The following CSMD1 variants were observed in gnomAD, a reference collection of about 807,000 sequenced individuals.
CSMD1 encodes CUB and Sushi multiple domains 1.
CSMD1 carries 213 observed loss-of-function variants against 417.5 expected under a neutral mutation model. The observed-to-expected ratio is 0.51, with a 90% CI of 0.46 to 0.57. CSMD1 has a LOEUF of 0.57. CSMD1 is among the 20% of genes least tolerant of loss of function. The pLI is 0.00. For missense variants in CSMD1, 6,923 were observed against 4,529.7 expected (o/e 1.53, Z -15.17); for synonymous variants, 2,862 against 1,736.8 (o/e 1.65, Z -16.11).
At chr8:3,809,205 A>C (rs1046078104) in intron 5 of CSMD1, among the ~76,000 whole-genome samples, 2 of 152,066 alleles carry the variant, frequency 1.3e-5, no homozygotes, top group Non-Finnish European at 2.9e-5. Context: ...CTTCTCACCC[A>C]TCAGGTCTCC....
intron 3 of CSMD1, among the ~76,000 whole-genome samples, chr8:4,405,338 C>G (rs530723899): frequency 4.8e-4 from 73 of 150,678 alleles, no homozygotes; most frequent in South Asian, 1.3e-3. Flanking sequence ...TTTTTTTCTT[C>G]TCAATTTCCT....
intron 1 of CSMD1, among the ~76,000 whole-genome samples, chr8:4,735,346 T>G (rs1810160496): frequency 6.6e-6 from 1 of 152,190 alleles, no homozygotes; most frequent in Non-Finnish European, 1.5e-5. Context: ...GATCTAAACC[T>G]GGATTTTCTG....
intron 3 of CSMD1, among the ~76,000 whole-genome samples, chr8:4,283,960 T>C (rs1317341927): frequency 1.3e-5 from 2 of 152,292 alleles, no homozygotes; most frequent in South Asian, 4.1e-4. Flanking sequence ...TGGCCAGGGG[T>C]GGTGGCTCAC....
At chr8:4,203,499 G>A (rs1282136931) in intron 3 of CSMD1, among the ~76,000 whole-genome samples, 1 of 152,138 alleles carries the variant, frequency 6.6e-6, no homozygotes, top group Non-Finnish European at 1.5e-5. Flanking sequence ...TTCTCGATGA[G>A]CAAACGGAAG....
chr8:3,251,136 C>T (rs1323092167), intron 26 of CSMD1, among the ~76,000 whole-genome samples: 8 of 152,026 alleles, frequency 5.3e-5, no homozygotes, highest in Non-Finnish European at 8.8e-5. Flanking sequence ...GAAGTCCTTG[C>T]CCGTGCCTAT....
chr8:3,394,013 T>TAA (rs1811519448), intron 17 of CSMD1, among the ~76,000 whole-genome samples: 4 of 14,270 alleles, frequency 2.8e-4, no homozygotes, highest in South Asian at 2.4e-3. Flanking sequence ...AAAAATAAAT[T>TAA]ATATATATAT....
intron 3 of CSMD1, among the ~76,000 whole-genome samples, chr8:4,129,998 G>C (rs970587712): frequency 6.6e-6 from 1 of 151,826 alleles, no homozygotes; most frequent in African/African-American, 2.4e-5. Context: ...GTGTTTATTG[G>C]GAATTTTGCC....
intron 6 of CSMD1, among the ~76,000 whole-genome samples, chr8:3,737,649 C>T (rs1219529752): frequency 6.6e-6 from 1 of 152,010 alleles, no homozygotes; most frequent in African/African-American, 2.4e-5. Context: ...CTTGGTTGCC[C>T]CAACAATCCA....
chr8:4,865,110 T>C (rs557449163), intron 1 of CSMD1, among the ~76,000 whole-genome samples: 6 of 151,952 alleles, frequency 3.9e-5, no homozygotes, highest in African/African-American at 1.2e-4. Context: ...AATTATGTAA[T>C]AGTGATAAAA....
chr8:3,564,745 ACAAAAAACC>A (rs1442919983), intron 10 of CSMD1, among the ~76,000 whole-genome samples: 4 of 131,316 alleles, frequency 3.0e-5, no homozygotes, highest in Non-Finnish European at 4.9e-5. Flanking sequence ...AACCAAACAC[ACAAAAAACC>A]CAAAAAACCA....
At chr8:3,953,912 G>A (rs534228021) in intron 5 of CSMD1, among the ~76,000 whole-genome samples, 1 of 152,326 alleles carries the variant, frequency 6.6e-6, no homozygotes, top group Non-Finnish European at 1.5e-5. Flanking sequence ...CTGGGCCACT[G>A]TCTGGAACGG....
intron 42 of CSMD1, among the ~76,000 whole-genome samples, chr8:3,115,843 A>G (rs1341980283): frequency 6.6e-6 from 1 of 152,206 alleles, no homozygotes; most frequent in Non-Finnish European, 1.5e-5. Context: ...GAAGTTGTTT[A>G]AAGTATCTGT....
intron 3 of CSMD1, among the ~76,000 whole-genome samples, chr8:4,144,199 C>T (rs752107838): frequency 7.3e-5 from 11 of 150,986 alleles, no homozygotes; most frequent in Non-Finnish European, 1.2e-4. Context: ...ACCTCCTGCC[C>T]CTAGATCTTG....
intron 49 of CSMD1, among the ~76,000 whole-genome samples, chr8:3,053,015 C>G (rs1006612747): frequency 6.6e-6 from 1 of 152,166 alleles, no homozygotes. Context: ...CTCCCAAACT[C>G]AGGTGATCCG....
chr8:3,891,380 A>G (rs975257225), intron 5 of CSMD1, among the ~76,000 whole-genome samples: 3 of 152,086 alleles, frequency 2.0e-5, no homozygotes, highest in African/African-American at 7.2e-5. Context: ...GGTCAATTCA[A>G]TTCCAAAATC....
At chr8:4,390,013 C>T (rs1803735298) in intron 3 of CSMD1, among the ~76,000 whole-genome samples, 1 of 152,178 alleles carries the variant, frequency 6.6e-6, no homozygotes. Flanking sequence ...CTAGATATTA[C>T]CAATTTGCTT....
At chr8:4,674,746 C>T (rs1805567300) in intron 1 of CSMD1, among the ~76,000 whole-genome samples, 1 of 152,030 alleles carries the variant, frequency 6.6e-6, no homozygotes, top group African/African-American at 2.4e-5. Flanking sequence ...TGCAAGGTTT[C>T]CTGGCCTAGA....
chr8:4,747,419 A>C (rs1811030657), intron 1 of CSMD1, among the ~76,000 whole-genome samples: 1 of 152,194 alleles, frequency 6.6e-6, no homozygotes, highest in Admixed American at 6.5e-5. Context: ...GCAATACAAT[A>C]GTGTGTTAAA....
chr8:3,710,549 G>T (rs113122878), intron 6 of CSMD1, among the ~76,000 whole-genome samples: 3,332 of 152,294 alleles, frequency 0.022, 71 homozygotes, highest in Admixed American at 0.033. Context: ...CTTTGGGACT[G>T]TCTTCCCTCA....
Sources: gnomAD v4.1 joint callset for allele counts (sites outside exome capture counted in the v4.1 genomes callset) on GRCh38, gnomAD v4.1.1 for gene constraint, MANE v1.5 for transcripts, NCBI Gene and HGNC (gene_info 2026-07-23, HGNC 2026-07-21) for gene names.